CWC25: variants seen among roughly 807,000 people sequenced by gnomAD.
CWC25 encodes pre-mRNA-splicing factor CWC25 homolog.
A neutral mutation model predicts 54.6 loss-of-function variants in CWC25; 31 were observed. That is an observed-to-expected ratio of 0.57 (90% CI 0.43 to 0.77). CWC25 has a LOEUF of 0.77. CWC25 is among the 30% of genes least tolerant of loss of function. CWC25 has a pLI of 0.00. For missense variants in CWC25, 453 were observed against 529.3 expected, an observed-to-expected ratio of 0.86 and a Z score of 1.41; for synonymous variants, 151 against 187.0, an observed-to-expected ratio of 0.81 and a Z score of 1.57.
intron 8 of CWC25, among the ~76,000 whole-genome samples, chr17:38,804,733 G>GGGAGGCAGAGGTT (rs1911160290): frequency 6.9e-6 from 1 of 144,162 alleles, no homozygotes; most frequent in Admixed American, 6.9e-5. Flanking sequence ...GCTGGAACCC[G>GGGAGGCAGAGGTT]GGAGGCAGAG....
At chr17:38,803,558 A>C (rs765081532) in intron 8 of CWC25, among the ~76,000 whole-genome samples, 3 of 152,122 alleles carry the variant, frequency 2.0e-5, no homozygotes, top group African/African-American at 4.8e-5. Context: ...TGAACCGAGG[A>C]GGCGGAGGTT....
intron 2 of CWC25, among the ~76,000 whole-genome samples, chr17:38,818,398 C>A (rs1231254076): frequency 6.6e-6 from 1 of 151,566 alleles, no homozygotes; most frequent in Non-Finnish European, 1.5e-5. Context: ...CGACACCATC[C>A]TGGCTAACAC....
At chr17:38,819,646 C>T (rs2143599354) in intron 2 of CWC25, among the ~76,000 whole-genome samples, 2 of 150,032 alleles carry the variant, frequency 1.3e-5, no homozygotes, top group Non-Finnish European at 3.0e-5. Flanking sequence ...TGCTAGATTA[C>T]AGGCGTGAGC....
Position 38,806,325 on chromosome 17 carries a change from G to A in CWC25, c.973C>T (p.Gln325Ter). The change falls in exon 8 of 10, where the codon CAA (glutamine) becomes TAA (stop). Residue 325 changes from glutamine to a stop codon, truncating the protein, a stop_gained. Coordinates refer to ENST00000614790, the MANE Select transcript of CWC25 (RefSeq NM_017748.5). LOFTEE classifies it high-confidence loss of function. ...RSPSPKKEVY[Q>*]RRHAPGYTRK... ...GTGTATCCGGGAGCATGTCGCCTTT[G>A]GTAGACCTCTTTTTTAGGTGATGGG... 6.2e-7 allele frequency: 1 copy of A among 1,613,068 alleles called. No individual in the cohort carries two copies. The highest frequency in any genetic ancestry group is 1.1e-5 in the South Asian group (1 of 90,780).
chr17:38,813,132 G>T (rs972156070), intron 3 of CWC25, among the ~76,000 whole-genome samples: 1 of 150,812 alleles, frequency 6.6e-6, no homozygotes, highest in Non-Finnish European at 1.5e-5. Flanking sequence ...GGGTGACACA[G>T]CAAGACTCTG....
Position 38,814,745 on chromosome 17 carries a change from CAAAAAAAAAAAA to C in CWC25, c.428+104_428+115del, listed in dbSNP as rs71138658. The stretch of plus-strand genomic sequence containing the variant: ...TGGGCGACAGAGCGAGACTCCGTCT[CAAAAAAAAAAAA>C]AAAAAAAAAAGCGAAGAGAAAACTG... On this transcript the variant is annotated intron_variant, in intron 3 of 9. Coordinates refer to ENST00000614790, the MANE Select transcript of CWC25 (RefSeq NM_017748.5). 107 of 465,910 alleles carry C rather than the reference CAAAAAAAAAAAA, an allele frequency of 2.3e-4. 4 individuals carry two copies. In the South Asian group the frequency reaches 2.6e-3, roughly 11 times the overall value. 28.9% of individuals were successfully genotyped at this position (465,910 alleles called of 1,614,324 possible).
intron 1 of CWC25, among the ~76,000 whole-genome samples, chr17:38,824,781 C>G (rs1912075088): frequency 6.6e-6 from 1 of 152,136 alleles, no homozygotes; most frequent in Admixed American, 6.6e-5. Context: ...TGACTCTGAA[C>G]TCTCACCCAA....
At chr17:38,805,261 C>T (rs1911187821) in intron 8 of CWC25, among the ~76,000 whole-genome samples, 1 of 151,912 alleles carries the variant, frequency 6.6e-6, no homozygotes, top group Non-Finnish European at 1.5e-5. Flanking sequence ...GGAGATACAA[C>T]AAGATGCTGT....
chr17:38,815,036 C>T lies in CWC25; in HGVS notation c.253G>A (p.Glu85Lys), dbSNP rs775047995. Residue 85 changes from glutamate (E) to lysine (K), a missense_variant, in exon 3 of 10, where the codon GAG becomes AAG. Around this residue, in one of 2 missense-constraint regions of CWC25, gnomAD observed 444 missense variants for 499.2 expected, o/e 0.89. Coordinates refer to ENST00000614790, the MANE Select transcript of CWC25 (RefSeq NM_017748.5). ...TCAATGGGGCGCCCCAGCAGGTACT[C>T]GTCACGGTTCACCATCCCACCAGGA... Reference protein sequence around the residue: ...QGPGGMVNRDEYLLGRPIDKY... With the variant: ...QGPGGMVNRDKYLLGRPIDKY... 7.4e-6 allele frequency: 12 copies of T among 1,613,836 alleles called. No individual in the cohort carries two copies. The highest frequency in any genetic ancestry group is 3.3e-5 in the South Asian group (3 of 91,084).
chr17:38,819,985 T>G (rs893821344), intron 2 of CWC25, among the ~76,000 whole-genome samples: 14 of 152,294 alleles, frequency 9.2e-5, no homozygotes, highest in African/African-American at 2.6e-4. Flanking sequence ...TTTTTTCTAT[T>G]GTTTTGTAGA....
rs1305852779 is a variant in CWC25, at chr17:38,812,857, C to T, written c.436G>A (p.Glu146Lys). The change falls in exon 4 of 10, where the codon GAG (glutamate) becomes AAG (lysine). Residue 146 changes from glutamate to lysine, a missense_variant. Glu to Lys is a moderately conservative substitution (Grantham distance 56). This residue lies in a region of CWC25 where 444 missense variants were observed against 499.2 expected (regional missense o/e 0.89). Transcript: ENST00000614790. ...EDPLFIIRKK[E>K]EEKKREVLNN... ...AATACCTCTCGTTTTTTCTCCTCCT[C>T]CTTCTTCCTAAAGAGAGATAATTAC... 4 of 1,506,454 alleles carry T rather than the reference C, an allele frequency of 2.7e-6. No homozygotes were observed. Among genetic ancestry groups the T allele is most frequent in the Non-Finnish European group, 2.7e-6 (3 of 1,107,490 alleles). The allele number at this position is 1,506,454 out of a possible 1,614,324, so 93.3% of individuals were successfully genotyped here.
chr17:38,823,192 C>T (rs1482076423), intron 1 of CWC25, among the ~76,000 whole-genome samples: 1 of 129,598 alleles, frequency 7.7e-6, no homozygotes, highest in Non-Finnish European at 1.6e-5. Flanking sequence ...CGAGGTCTTG[C>T]TCTGTCACGC....
chr17:38,822,973 G>A (rs1911986595), intron 1 of CWC25, among the ~76,000 whole-genome samples: 1 of 151,418 alleles, frequency 6.6e-6, no homozygotes, highest in South Asian at 2.1e-4. Flanking sequence ...GAGTAGCTGG[G>A]ACTACAGACA....
At chr17:38,823,412 C>T (rs1912010224) in intron 1 of CWC25, among the ~76,000 whole-genome samples, 2 of 151,602 alleles carry the variant, frequency 1.3e-5, no homozygotes, top group Non-Finnish European at 2.9e-5. Flanking sequence ...CCGCCTCTGC[C>T]TCCCAAAGTG....
chr17:38,825,265 G>A lies in CWC25; in HGVS notation c.-82C>T, dbSNP rs1398890068. 5 of 1,447,718 alleles carry A rather than the reference G, an allele frequency of 3.5e-6. No homozygotes were observed. The highest frequency in any genetic ancestry group is 2.2e-5 in the Admixed American group (1 of 44,968). The allele number at this position is 1,447,718 out of a possible 1,614,324, so 89.7% of individuals were successfully genotyped here. A position where few individuals can be genotyped will look rare whatever the true frequency, so the allele number is the denominator to read the frequency against. On this transcript the variant is annotated 5_prime_UTR_variant, in exon 1 of 10. Coordinates refer to ENST00000614790, the MANE Select transcript of CWC25 (RefSeq NM_017748.5). ...GAAAACGTAGAGAAATAGTTCGGGG[G>A]CTACCTCGCGGGATCTAGTCCCAGG...
Position 38,825,316 on chromosome 17 carries a change from C to T in CWC25, c.-133G>A. On this transcript the variant is annotated 5_prime_UTR_variant, in exon 1 of 10. Transcript: ENST00000614790. ...AGCCGTCAACTGCCAGTTTCACCAC[C>T]GCTCTAGAGGTCACTTCCGGGAGGG... 4 of 926,538 alleles carry T rather than the reference C, an allele frequency of 4.3e-6. No individual in the cohort carries two copies. The highest frequency in any genetic ancestry group is 3.0e-5 in the East Asian group (1 of 33,696). The allele number at this position is 926,538 out of a possible 1,614,324, so 57.4% of individuals were successfully genotyped here.
chr17:38,820,583 T>G lies in CWC25; in HGVS notation c.191+318A>C, dbSNP rs561475474. Reference sequence around the variant, plus strand: ...GCTGAGAAGCAGGGTAGAGCAACCATCCTCCATCACGGTTATCAGCCATCT... The same window carrying G: ...GCTGAGAAGCAGGGTAGAGCAACCAGCCTCCATCACGGTTATCAGCCATCT... On this transcript the variant is annotated intron_variant, in intron 2 of 9. Transcript: ENST00000614790. Among the ~76,000 whole-genome samples the G allele has an allele frequency of 8.5e-5, 13 of 152,222 alleles. No homozygotes were observed. In the East Asian group the frequency reaches 2.1e-3, roughly 25 times the overall value.
chr17:38,806,471 C>T, intron 7 of CWC25, 76 bp from the exon 8 acceptor site: 2 of 1,216,530 alleles, frequency 1.6e-6, no homozygotes, highest in Non-Finnish European at 2.4e-6. Flanking sequence ...TCAAACAATG[C>T]AAGATGAGCT....
intron 2 of CWC25, among the ~76,000 whole-genome samples, chr17:38,817,799 CAATAAT>C (rs753141767): frequency 4.0e-5 from 6 of 150,332 alleles, no homozygotes; most frequent in East Asian, 2.0e-4. Flanking sequence ...AAAATAATAA[CAATAAT>C]AATAATAATA....
Sources: allele counts gnomAD v4.1 joint callset (sites outside exome capture counted in the v4.1 genomes callset), GRCh38; gene constraint gnomAD v4.1.1; regional missense constraint gnomAD v4.1.1; transcripts MANE v1.5; gene names NCBI Gene and HGNC (gene_info 2026-07-23, HGNC 2026-07-21).